The following ELAVL4 variants were observed in gnomAD, a reference collection of about 807,000 sequenced individuals.
ELAVL4 encodes the protein ELAV like RNA binding protein 4.
Under a neutral mutation model 35.6 loss-of-function variants are expected in ELAVL4, and 1 was observed. The observed-to-expected ratio is 0.03, with a 90% confidence interval of 0.01 to 0.13. The LOEUF is 0.13. Among genes scored for constraint, ELAVL4 ranks in the 10% least tolerant of loss-of-function variants. The pLI is 1.00. For missense variants in ELAVL4, 267 were observed against 464.9 expected (o/e 0.57, Z 3.91); for synonymous variants, 156 against 171.0 (o/e 0.91, Z 0.69).
chr1:50,195,754 A>G lies in ELAVL4; in HGVS notation c.702A>G (p.Pro234=). ...ACCAGTCCCCCAACCGGCGCTACCC[A>G]GGTCCACTTCACCACCAGGCTCAGA... ...QLYQSPNRRY[P]GPLHHQAQRF... is the part of the protein sequence containing the mutation. The change falls in exon 5 of 7, where the codon CCA becomes CCG. Residue 234 remains proline (P), a synonymous_variant. Transcript: ENST00000371824. The G allele has an allele frequency of 6.2e-7, 1 of 1,614,156 alleles. No homozygotes were observed. The highest frequency in any genetic ancestry group is 1.1e-5 in the South Asian group (1 of 91,088).
intron 2 of ELAVL4, among the ~76,000 whole-genome samples, chr1:50,157,489 G>A (rs915746803): frequency 2.0e-5 from 3 of 152,144 alleles, no homozygotes; most frequent in South Asian, 2.1e-4. Flanking sequence ...AGTTATCTGC[G>A]TACATCTCAA....
rs564978616 is a variant in ELAVL4 at position 50,122,640 on chromosome 1, A to C, written c.9+13442A>C. 2.6e-5 allele frequency among the ~76,000 whole-genome samples: 4 copies of C among 152,248 alleles called. No homozygotes were observed. In the South Asian group the frequency reaches 8.3e-4, roughly 32 times the overall value. ...GCACAGAAAAGCCAACAAGAGCTCA[A>C]GAACTCAAATTGTAAACTTCAAGTT... On this transcript the variant is annotated intron_variant, in intron 1 of 6. Transcript: ENST00000371824.
intron 2 of ELAVL4, among the ~76,000 whole-genome samples, chr1:50,155,530 G>A (rs1019635784): frequency 3.3e-5 from 5 of 152,158 alleles, no homozygotes; most frequent in Non-Finnish European, 5.9e-5. Flanking sequence ...ACACAGAGAA[G>A]CTGCCTGAGT....
At chr1:50,063,952 A>G (rs563018962) in intron 1 of ELAVL4, among the ~76,000 whole-genome samples, 27 of 152,250 alleles carry the variant, frequency 1.8e-4, no homozygotes, top group African/African-American at 6.3e-4. Context: ...TGACATTTAA[A>G]CTAAGGAATA....
chr1:50,091,273 A>T (rs766428136), intron 1 of ELAVL4, among the ~76,000 whole-genome samples: 1 of 152,214 alleles, frequency 6.6e-6, no homozygotes, highest in Non-Finnish European at 1.5e-5. Flanking sequence ...ATACGCTTAC[A>T]GGAAACCGTA....
chr1:50,106,655 A>G (rs1209913853), upstream of ELAVL4, among the ~76,000 whole-genome samples: 2 of 152,198 alleles, frequency 1.3e-5, no homozygotes, highest in Non-Finnish European at 2.9e-5. Context: ...AAATGCGATA[A>G]TAAGGTTGAC....
upstream of ELAVL4, chr1:50,106,233 A>C: frequency 7.2e-7 from 1 of 1,386,292 alleles, no homozygotes; most frequent in Non-Finnish European, 1.0e-6. Flanking sequence ...CTTCTGGTAC[A>C]GTCCATCTGG....
At chr1:50,091,001 A>G (rs1665467996) in intron 1 of ELAVL4, among the ~76,000 whole-genome samples, 1 of 152,174 alleles carries the variant, frequency 6.6e-6, no homozygotes, top group African/African-American at 2.4e-5. Context: ...TTATTTTCCA[A>G]GTCCTACTGG....
intron 1 of ELAVL4, among the ~76,000 whole-genome samples, chr1:50,066,670 G>A (rs561476688): frequency 6.6e-6 from 1 of 152,210 alleles, no homozygotes; most frequent in African/African-American, 2.4e-5. Context: ...GTAATTGTTT[G>A]ACTCTTTAAG....
chr1:50,061,607 C>T (rs1204616873), intron 1 of ELAVL4, among the ~76,000 whole-genome samples: 1 of 152,168 alleles, frequency 6.6e-6, no homozygotes, highest in Non-Finnish European at 1.5e-5. Flanking sequence ...TCAGATCTGC[C>T]TTTAAGAGGA....
chr1:50,109,621 A>G, intron 1 of ELAVL4: 1 of 420,750 alleles, frequency 2.4e-6, no homozygotes, highest in Non-Finnish European at 4.3e-6. Context: ...TCCGTGCTGG[A>G]AATTTAAACC....
intron 1 of ELAVL4, among the ~76,000 whole-genome samples, chr1:50,065,273 A>G (rs553659916): frequency 3.5e-4 from 53 of 152,276 alleles, no homozygotes; most frequent in African/African-American, 1.3e-3. Context: ...TTGAGTTAGA[A>G]CAATCAGAAG....
chr1:50,138,274 G>A (rs955476407), intron 1 of ELAVL4, among the ~76,000 whole-genome samples: 2 of 152,122 alleles, frequency 1.3e-5, no homozygotes, highest in Admixed American at 1.3e-4. Context: ...CGAATGGGAA[G>A]GAACAATTTG....
intron 1 of ELAVL4, among the ~76,000 whole-genome samples, chr1:50,110,866 G>A (rs945857921): frequency 2.0e-5 from 3 of 152,044 alleles, no homozygotes; most frequent in Non-Finnish European, 2.9e-5. Flanking sequence ...GAAAGCGATA[G>A]CTGGGAGGAA....
intron 3 of ELAVL4, among the ~76,000 whole-genome samples, chr1:50,182,677 G>C (rs1012356279): frequency 5.9e-5 from 9 of 152,170 alleles, no homozygotes; most frequent in South Asian, 2.1e-4. Flanking sequence ...CTTGCAGGCT[G>C]CTGTGGTAGG....
At chr1:50,077,803 T>C (rs1162649435) in intron 1 of ELAVL4, among the ~76,000 whole-genome samples, 1 of 152,176 alleles carries the variant, frequency 6.6e-6, no homozygotes, top group African/African-American at 2.4e-5. Context: ...ATCCCAATTA[T>C]TATTTGGTCT....
chr1:50,200,243 G>A (rs534346751), intron 6 of ELAVL4, among the ~76,000 whole-genome samples: 1 of 151,898 alleles, frequency 6.6e-6, no homozygotes, highest in Non-Finnish European at 1.5e-5. Context: ...TTTGACAACC[G>A]TAGGTCAAGG....
upstream of ELAVL4, among the ~76,000 whole-genome samples, chr1:50,101,184 C>T (rs1267099842): frequency 1.3e-5 from 2 of 152,130 alleles, no homozygotes; most frequent in Admixed American, 1.3e-4. Flanking sequence ...GATCTTCGTT[C>T]ATTCCCCATA....
At chr1:50,144,832 C>A (rs1174982675) in intron 1 of ELAVL4, 125 bp from the exon 2 acceptor site, 1 of 1,435,600 alleles carries the variant, frequency 7.0e-7, no homozygotes, top group Admixed American at 1.7e-5. Flanking sequence ...GTTCACAACC[C>A]AGTCTCTTGC....
Sources: gnomAD v4.1 joint callset for allele counts (sites outside exome capture counted in the v4.1 genomes callset) on GRCh38, gnomAD v4.1.1 for gene constraint, MANE v1.5 for transcripts, NCBI Gene and HGNC (gene_info 2026-07-23, HGNC 2026-07-21) for gene names.